Variants in DAB1 observed in about 807,000 individuals in gnomAD.
DAB1 encodes the protein DAB adaptor protein 1, also known as disabled homolog 1.
A neutral mutation model predicts 64.6 loss-of-function variants in DAB1; 15 were observed. That is an observed-to-expected ratio of 0.23 (90% CI 0.16 to 0.36). The LOEUF is 0.36. DAB1 is among the 10% of genes least tolerant of loss of function. The probability of loss-of-function intolerance (pLI) is 1.00; values close to 1 mark genes in which losing one functional copy is unlikely to be tolerated. For missense variants in DAB1, 596 were observed against 706.7 expected (o/e 0.84, Z 1.78); for synonymous variants, 235 against 251.9 (o/e 0.93, Z 0.64).
chr1:57,074,176 T>C (rs985923295), intron 4 of DAB1, among the ~76,000 whole-genome samples: 12 of 152,138 alleles, frequency 7.9e-5, no homozygotes, highest in Admixed American at 7.2e-4. Flanking sequence ...GCCATTTATT[T>C]GGAATTATAT....
chr1:57,941,284 C>A (rs1645100271), intron 5 of DAB1, among the ~76,000 whole-genome samples: 1 of 152,190 alleles, frequency 6.6e-6, no homozygotes, highest in Non-Finnish European at 1.5e-5. Flanking sequence ...TGGTATTTAT[C>A]ATTTTATCTG....
At chr1:57,452,159 A>C (rs7523826) in intron 7 of DAB1, among the ~76,000 whole-genome samples, 68,015 of 121,518 alleles carry the variant, frequency 0.56, 18,966 homozygotes, top group East Asian at 0.74. Context: ...CTCTCTCTGC[A>C]CCCCCCCTTT....
At chr1:58,187,227 G>C (rs1382271037) in intron 4 of DAB1, among the ~76,000 whole-genome samples, 1 of 151,864 alleles carries the variant, frequency 6.6e-6, no homozygotes, top group Non-Finnish European at 1.5e-5. Flanking sequence ...GGGAGGCTGA[G>C]GCAGGAGGAT....
chr1:57,937,787 C>A (rs187728799), intron 5 of DAB1, among the ~76,000 whole-genome samples: 1 of 152,308 alleles, frequency 6.6e-6, no homozygotes, highest in East Asian at 1.9e-4. Flanking sequence ...ACTGGCCCTT[C>A]CTTACTAGTA....
At chr1:58,005,124 C>A (rs1646562295) in intron 5 of DAB1, among the ~76,000 whole-genome samples, 1 of 152,104 alleles carries the variant, frequency 6.6e-6, no homozygotes, top group African/African-American at 2.4e-5. Flanking sequence ...AAAATTCACC[C>A]ATTTCAATTG....
chr1:57,791,075 T>C (rs1282209073), intron 6 of DAB1, among the ~76,000 whole-genome samples: 1 of 152,232 alleles, frequency 6.6e-6, no homozygotes, highest in Non-Finnish European at 1.5e-5. Context: ...GGCTTCATTA[T>C]GTGTAGGATT....
At chr1:57,969,158 T>G (rs558225326) in intron 5 of DAB1, among the ~76,000 whole-genome samples, 4 of 152,244 alleles carry the variant, frequency 2.6e-5, no homozygotes, top group Non-Finnish European at 4.4e-5. Context: ...GAATTTCTCA[T>G]CCAGTGGGTA....
chr1:57,537,561 C>T (rs1558472387), intron 7 of DAB1, among the ~76,000 whole-genome samples: 1 of 151,820 alleles, frequency 6.6e-6, no homozygotes, highest in African/African-American at 2.4e-5. Context: ...AGAGCCCAGA[C>T]TTTTTTTTCA....
intron 4 of DAB1, among the ~76,000 whole-genome samples, chr1:58,199,155 T>C (rs978554806): frequency 5.3e-5 from 8 of 152,100 alleles, no homozygotes; most frequent in African/African-American, 1.4e-4. Context: ...TGCAGTCCTA[T>C]TGATCCCATA....
intron 6 of DAB1, among the ~76,000 whole-genome samples, chr1:57,697,413 T>A (rs1570748029): frequency 1.2e-5 from 1 of 86,514 alleles, no homozygotes; most frequent in African/African-American, 4.5e-5. Context: ...TACAATAAGC[T>A]CACGTTTCTA....
chr1:57,679,814 G>A (rs1161244411), intron 6 of DAB1, among the ~76,000 whole-genome samples: 2 of 152,146 alleles, frequency 1.3e-5, no homozygotes, highest in Non-Finnish European at 2.9e-5. Context: ...CTACTCCTTC[G>A]CTTTTCAAGT....
intron 1 of DAB1, among the ~76,000 whole-genome samples, chr1:57,398,894 T>C (rs1683023257): frequency 6.6e-6 from 1 of 151,794 alleles, no homozygotes; most frequent in South Asian, 2.1e-4. Context: ...TTTCCTTCCT[T>C]TGAACACTGA....
intron 2 of DAB1, among the ~76,000 whole-genome samples, chr1:57,215,783 G>A (rs1016709219): frequency 6.6e-6 from 1 of 151,964 alleles, no homozygotes. Flanking sequence ...TTTTTCCTTC[G>A]ACATGAATTC....
intron 2 of DAB1, among the ~76,000 whole-genome samples, chr1:57,229,135 TAAAC>T (rs770688480): frequency 2.6e-5 from 4 of 151,886 alleles, no homozygotes; most frequent in South Asian, 4.1e-4. Flanking sequence ...GTTTTCCACT[TAAAC>T]AAAAGTAGAA....
chr1:58,325,281 T>C (rs1211824908), intron 4 of DAB1, among the ~76,000 whole-genome samples: 1 of 152,246 alleles, frequency 6.6e-6, no homozygotes, highest in Non-Finnish European at 1.5e-5. Context: ...CTTTGACTTT[T>C]ATCATTTTTT....
intron 7 of DAB1, among the ~76,000 whole-genome samples, chr1:57,557,408 T>TTA (rs370493002): frequency 2.0e-4 from 31 of 151,780 alleles, no homozygotes; most frequent in South Asian, 1.5e-3. Flanking sequence ...AATAAATGGC[T>TTA]TATATATATA....
At chr1:57,081,501 T>A (rs2100628404) in intron 4 of DAB1, among the ~76,000 whole-genome samples, 1 of 152,326 alleles carries the variant, frequency 6.6e-6, no homozygotes, top group Admixed American at 6.5e-5. Flanking sequence ...AGTTTCAAGC[T>A]TTATGATGTC....
At chr1:57,069,456 C>A in intron 7 of DAB1, 31 bp from the exon 8 acceptor site, 1 of 1,581,224 alleles carries the variant, frequency 6.3e-7, no homozygotes, top group South Asian at 1.1e-5. Flanking sequence ...AAGGAAAGGT[C>A]AGAGGTGAAA....
intron 6 of DAB1, among the ~76,000 whole-genome samples, chr1:57,769,982 G>C (rs1338967176): frequency 6.6e-6 from 1 of 152,056 alleles, no homozygotes; most frequent in African/African-American, 2.4e-5. Flanking sequence ...CTGCTCTACA[G>C]TCAGGTCTGA....
Sources: gnomAD v4.1 joint callset for allele counts (sites outside exome capture counted in the v4.1 genomes callset) on GRCh38, gnomAD v4.1.1 for gene constraint, MANE v1.5 for transcripts, NCBI Gene and HGNC (gene_info 2026-07-23, HGNC 2026-07-21) for gene names.